RSU1: variants seen among roughly 807,000 people sequenced by gnomAD.
RSU1 encodes the protein Ras suppressor protein 1, also known as rsu-1.
In RSU1, 26 loss-of-function variants were observed where a neutral mutation model predicts 31.1. The observed-to-expected ratio is 0.84, with a 90% CI of 0.61 to 1.16. The LOEUF is 1.16. Among genes scored for constraint, RSU1 ranks in the 50% most tolerant of loss-of-function variants. The probability of loss-of-function intolerance (pLI) is 0.00; values close to 1 mark genes in which losing one functional copy is unlikely to be tolerated. For missense variants in RSU1, 320 were observed against 339.1 expected (o/e 0.94, Z 0.44); for synonymous variants, 164 against 136.3 (o/e 1.20, Z -1.41).
intron 8 of RSU1, among the ~76,000 whole-genome samples, chr10:16,671,039 T>C (rs1160165847): frequency 2.0e-5 from 3 of 152,210 alleles, no homozygotes; most frequent in African/African-American, 7.2e-5. Flanking sequence ...ATACTGGGAT[T>C]ACAGGCATGA....
chr10:16,669,700 T>C (rs1009675591), intron 8 of RSU1, among the ~76,000 whole-genome samples: 1 of 152,218 alleles, frequency 6.6e-6, no homozygotes, highest in African/African-American at 2.4e-5. Context: ...GTTCCTGTGT[T>C]AGTTTGCTGA....
intron 8 of RSU1, among the ~76,000 whole-genome samples, chr10:16,636,554 G>A (rs1834347608): frequency 6.6e-6 from 1 of 152,046 alleles, no homozygotes; most frequent in Non-Finnish European, 1.5e-5. Context: ...TTACCTCCTT[G>A]TAGCAGTGAT....
intron 8 of RSU1, among the ~76,000 whole-genome samples, chr10:16,636,690 C>T (rs755051996): frequency 6.6e-6 from 1 of 152,210 alleles, no homozygotes; most frequent in Non-Finnish European, 1.5e-5. Context: ...TCTGATCTGT[C>T]TCCTAGCTCT....
intron 8 of RSU1, among the ~76,000 whole-genome samples, chr10:16,671,017 C>T (rs372099993): frequency 2.0e-5 from 3 of 152,320 alleles, no homozygotes; most frequent in African/African-American, 4.8e-5. Context: ...CCACCTGCCT[C>T]GGCTTCCCAA....
intron 2 of RSU1, 84 bp downstream of exon 2, chr10:16,816,889 C>T: frequency 1.0e-6 from 1 of 954,560 alleles, no homozygotes; most frequent in Non-Finnish European, 1.7e-6. Flanking sequence ...CCAGTACAAT[C>T]GCTCACAGCA....
At chr10:16,782,827 T>C (rs1218309014) in intron 2 of RSU1, among the ~76,000 whole-genome samples, 1 of 151,856 alleles carries the variant, frequency 6.6e-6, no homozygotes, top group Non-Finnish European at 1.5e-5. Context: ...TCCCCTCTAC[T>C]CTGGGGTCTA....
intron 7 of RSU1, among the ~76,000 whole-genome samples, chr10:16,729,546 T>C (rs1023011222): frequency 6.6e-6 from 1 of 152,110 alleles, no homozygotes; most frequent in Non-Finnish European, 1.5e-5. Context: ...AGGAAGGTGA[T>C]CACTGATCTG....
At chr10:16,658,246 G>A (rs1409333279) in intron 8 of RSU1, among the ~76,000 whole-genome samples, 1 of 152,154 alleles carries the variant, frequency 6.6e-6, no homozygotes, top group African/African-American at 2.4e-5. Context: ...ATATCTAAGA[G>A]GGCTATTCCT....
intron 8 of RSU1, among the ~76,000 whole-genome samples, chr10:16,622,504 G>T (rs535544321): frequency 6.6e-6 from 1 of 152,272 alleles, no homozygotes; most frequent in African/African-American, 2.4e-5. Context: ...CTGGATATGT[G>T]ATTTTATTGA....
chr10:16,783,644 G>A (rs554966125), intron 2 of RSU1, among the ~76,000 whole-genome samples: 36 of 149,028 alleles, frequency 2.4e-4, no homozygotes, highest in African/African-American at 5.8e-4. Context: ...GTGGGCCACC[G>A]AGTCCGGCCG....
intron 2 of RSU1, among the ~76,000 whole-genome samples, chr10:16,806,441 C>A (rs911083314): frequency 6.6e-6 from 1 of 152,184 alleles, no homozygotes; most frequent in African/African-American, 2.4e-5. Context: ...CCACTTATTG[C>A]CTGGGTGACT....
chr10:16,740,991 C>T (rs144844509), intron 7 of RSU1, among the ~76,000 whole-genome samples: 321 of 152,142 alleles, frequency 2.1e-3, no homozygotes, highest in African/African-American at 7.4e-3. Flanking sequence ...ACTCACAGGC[C>T]TCAAAATAGC....
intron 8 of RSU1, among the ~76,000 whole-genome samples, chr10:16,626,201 C>A (rs140219438): frequency 3.2e-3 from 485 of 152,082 alleles, no homozygotes; most frequent in African/African-American, 0.011. Flanking sequence ...CATGCCACCA[C>A]GTCCAGCTAA....
chr10:16,618,522 C>T (rs1834017719), intron 8 of RSU1, among the ~76,000 whole-genome samples: 1 of 152,224 alleles, frequency 6.6e-6, no homozygotes, highest in Non-Finnish European at 1.5e-5. Context: ...AAGACACATG[C>T]ACACGTATAT....
chr10:16,748,503 C>T (rs932386229), intron 7 of RSU1: 1 of 152,240 alleles, frequency 6.6e-6, no homozygotes, highest in Non-Finnish European at 1.5e-5. Flanking sequence ...AAGTCACTTT[C>T]CCTATATAAG....
intron 7 of RSU1, among the ~76,000 whole-genome samples, chr10:16,700,306 C>A (rs1018772497): frequency 1.3e-5 from 2 of 151,984 alleles, no homozygotes; most frequent in South Asian, 2.1e-4. Context: ...CTCATTCACT[C>A]ATAAATATCT....
intron 8 of RSU1, among the ~76,000 whole-genome samples, chr10:16,659,568 T>C (rs1335066535): frequency 6.6e-6 from 1 of 152,200 alleles, no homozygotes; most frequent in Non-Finnish European, 1.5e-5. Context: ...AGATTATTTA[T>C]GGGCTTTTTA....
intron 7 of RSU1, among the ~76,000 whole-genome samples, chr10:16,743,857 T>G (rs552264360): frequency 4.6e-5 from 7 of 152,140 alleles, no homozygotes; most frequent in African/African-American, 1.7e-4. Context: ...TTTAGCCAGG[T>G]GGGTGGCTGA....
At chr10:16,727,086 C>T (rs998855947) in intron 7 of RSU1, 1 of 456,648 alleles carries the variant, frequency 2.2e-6, no homozygotes, top group South Asian at 1.5e-5. Flanking sequence ...TTCCTCACAA[C>T]ACAGGCTGCC....
Sources: gnomAD v4.1 joint callset for allele counts (sites outside exome capture counted in the v4.1 genomes callset) on GRCh38, gnomAD v4.1.1 for gene constraint, MANE v1.5 for transcripts, NCBI Gene and HGNC (gene_info 2026-07-23, HGNC 2026-07-21) for gene names.